The following MPV17 variants were observed in gnomAD, a reference collection of about 807,000 sequenced individuals.
The protein encoded by MPV17 is mitochondrial inner membrane protein MPV17.
MPV17 carries 31 observed loss-of-function variants against 28.6 expected under a neutral mutation model. The observed-to-expected ratio is 1.08, with a 90% CI of 0.81 to 1.46. The LOEUF (loss-of-function observed/expected upper bound fraction) is 1.46, where lower values mean the gene tolerates loss of function less well. MPV17 is among the 40% of genes most tolerant of loss of function. The pLI, the probability that MPV17 is intolerant of heterozygous loss-of-function variation, is 0.00. For synonymous variants in MPV17, 87 were observed against 85.3 expected (o/e 1.02, Z -0.11); for missense variants, 198 against 216.2 (o/e 0.92, Z 0.53).
chr2:27,313,856 C>T (rs911626427), intron 2 of MPV17, among the ~76,000 whole-genome samples: 5 of 152,146 alleles, frequency 3.3e-5, no homozygotes, highest in Non-Finnish European at 7.4e-5. Context: ...GGACTACAGG[C>T]ACCCACCACC....
At chr2:27,312,039 A>T in intron 6 of MPV17, 88 bp from the exon 7 acceptor site, 1 of 1,530,736 alleles carries the variant, frequency 6.5e-7, no homozygotes, top group South Asian at 1.1e-5. Context: ...CAACTTCTGC[A>T]CACAAGAAAA....
chr2:27,309,751 A>T lies in MPV17; in HGVS notation c.*161T>A, dbSNP rs1399350551. ...AAGGGCTCTAAAGCAGTCAGTGTAC[A>T]TTTTAGAGTGAAGAGGGGCATTGCA... On this transcript the variant is annotated 3_prime_UTR_variant, in exon 8 of 8. Transcript: ENST00000380044. 1 of 700,670 alleles carries T rather than the reference A, an allele frequency of 1.4e-6. No homozygotes were observed. The highest frequency in any genetic ancestry group is 1.8e-5 in the African/African-American group (1 of 56,998). The allele number at this position is 700,670 out of a possible 1,614,324, so 43.4% of individuals were successfully genotyped here. A position where few individuals can be genotyped will look rare whatever the true frequency, so the allele number is the denominator to read the frequency against.
intron 2 of MPV17, chr2:27,316,797 G>A (rs959951730): frequency 4.2e-5 from 16 of 382,238 alleles, no homozygotes; most frequent in African/African-American, 3.1e-4. Context: ...ATGGGGCAGG[G>A]CTAGGGGCTG....
chr2:27,317,980 C>G lies in MPV17; in HGVS notation c.70+4468G>C, dbSNP rs1416622883. 6.6e-6 allele frequency among the ~76,000 whole-genome samples: 1 copy of G among 152,184 alleles called. No homozygotes were observed. The highest frequency in any genetic ancestry group is 1.9e-4 in the East Asian group (1 of 5,204). On this transcript the variant is annotated intron_variant, in intron 2 of 7. Transcript: ENST00000380044. This position sits in a 1 kb window ranked among gnomAD's most constrained non-coding sequence, Gnocchi z 4.0. The stretch of plus-strand genomic sequence containing the variant: ...TTCTTGCTTCAGGCCTGTGCCACAC[C>G]TGGGCCTTTGCTATTGATGGCTGCA...
chr2:27,315,331 T>C (rs1371097614), intron 2 of MPV17, among the ~76,000 whole-genome samples: 1 of 152,182 alleles, frequency 6.6e-6, no homozygotes, highest in Non-Finnish European at 1.5e-5. Context: ...CCCGGTTCCC[T>C]ATCCCTCCAG....
chr2:27,309,830 A>G lies in MPV17; in HGVS notation c.*82T>C. 1 of 1,169,052 alleles carries G rather than the reference A, an allele frequency of 8.6e-7. No homozygotes were observed. The highest frequency in any genetic ancestry group is 1.3e-6 in the Non-Finnish European group (1 of 780,482). The allele number at this position is 1,169,052 out of a possible 1,614,324, so 72.4% of individuals were successfully genotyped here. A position where few individuals can be genotyped will look rare whatever the true frequency, so the allele number is the denominator to read the frequency against. On this transcript the variant is annotated 3_prime_UTR_variant, in exon 8 of 8. Transcript: ENST00000380044. ...GCAACCCAACCCCGTGGAAACTGGT[A>G]TGCCCACTTTGAGGAGGTTGTCTGA...
intron 1 of MPV17, among the ~76,000 whole-genome samples, chr2:27,322,814 A>T (rs1232525889): frequency 6.6e-6 from 1 of 152,194 alleles, no homozygotes; most frequent in Admixed American, 6.5e-5. Flanking sequence ...TTCCCGACGG[A>T]GACACTCATG....
intron 7 of MPV17, chr2:27,311,533 G>A (rs1679438585): frequency 6.8e-7 from 1 of 1,478,580 alleles, no homozygotes; most frequent in Non-Finnish European, 9.2e-7. Context: ...TATTGTGAGT[G>A]TCTGACCAGG....
intron 3 of MPV17, 45 bp downstream of exon 3, chr2:27,312,949 G>A (rs1053974847): frequency 6.2e-6 from 10 of 1,604,050 alleles, no homozygotes; most frequent in Middle Eastern, 1.6e-4. Flanking sequence ...AAAGAACTAA[G>A]ACCACTGTTG....
chr2:27,311,650 G>A, intron 7 of MPV17: 1 of 1,550,712 alleles, frequency 6.4e-7, no homozygotes, highest in East Asian at 2.4e-5. Context: ...GTGGGATGGA[G>A]ACAAGGGTGG....
At position 27,313,004 on chromosome 2, in the gene MPV17, C is replaced by T; in HGVS notation, c.176G>A (p.Cys59Tyr). ...GAGGGGAGAACTTACCACAAAGCCA[C>T]AGCCCAGGGACACCATGGTCAGAGT... ...GRTLTMVSLGCGFVGPVVGGW... is the reference protein window; with the variant it reads ...GRTLTMVSLGYGFVGPVVGGW... The change falls in exon 3 of 8, where the codon TGT becomes TAT. Residue 59 changes from cysteine (C) to tyrosine (Y), a missense_variant. Transcript: ENST00000380044. 6.2e-7 allele frequency: 1 copy of T among 1,614,230 alleles called. No homozygotes were observed. The highest frequency in any genetic ancestry group is 1.1e-5 in the South Asian group (1 of 91,086).
chr2:27,312,124 G>T (rs1679466289), intron 6 of MPV17, 90 bp downstream of exon 6: 1 of 1,495,590 alleles, frequency 6.7e-7, no homozygotes, highest in Non-Finnish European at 9.3e-7. Flanking sequence ...CCAACGGAAG[G>T]GTTTCCCATG....
intron 2 of MPV17, among the ~76,000 whole-genome samples, chr2:27,321,474 T>C (rs1381267467): frequency 1.3e-5 from 2 of 152,142 alleles, no homozygotes; most frequent in African/African-American, 2.4e-5. Flanking sequence ...TAGCCCCCAA[T>C]CCCTTCCAAT....
rs1333814153 is a variant in MPV17, at chr2:27,317,770, A to T, written c.71-4661T>A. On this transcript the variant is annotated intron_variant, in intron 2 of 7. Coordinates refer to ENST00000380044, the MANE Select transcript of MPV17 (RefSeq NM_002437.5). The surrounding 1 kb of genome is among the most constrained non-coding windows in gnomAD (Gnocchi z 4.0). The stretch of plus-strand genomic sequence containing the variant: ...CCCACTGGAGAGTGGAAGGGCCCTC[A>T]AAGAAGGAAGGGATAAGGCTGACTC... Among the ~76,000 whole-genome samples the T allele has an allele frequency of 6.6e-6, 1 of 152,236 alleles. No individual in the cohort carries two copies. The highest frequency in any genetic ancestry group is 6.5e-5 in the Admixed American group (1 of 15,276).
intron 2 of MPV17, chr2:27,316,105 G>T (rs1473524205): frequency 6.4e-7 from 1 of 1,550,816 alleles, no homozygotes; most frequent in East Asian, 2.4e-5. Context: ...CTAGACTAAT[G>T]CACTTCCTCT....
intron 7 of MPV17, chr2:27,311,445 C>G: frequency 1.3e-6 from 1 of 782,648 alleles, no homozygotes; most frequent in Non-Finnish European, 2.0e-6. Flanking sequence ...CCTGTTCCCA[C>G]GATCCTTCAC....
chr2:27,312,903 T>A, intron 3 of MPV17, 91 bp downstream of exon 3: 3 of 1,551,690 alleles, frequency 1.9e-6, no homozygotes, highest in Non-Finnish European at 2.7e-6. Flanking sequence ...GCAGGTTGGC[T>A]TAGGTGTGAG....
At chr2:27,315,015 C>A (rs889093838) in intron 2 of MPV17, among the ~76,000 whole-genome samples, 2 of 152,216 alleles carry the variant, frequency 1.3e-5, no homozygotes, top group African/African-American at 4.8e-5. Flanking sequence ...TGGGCACCCC[C>A]AGTCCTGCCT....
intron 7 of MPV17, chr2:27,311,426 A>T: frequency 1.4e-6 from 1 of 694,792 alleles, no homozygotes; most frequent in Non-Finnish European, 2.4e-6. Flanking sequence ...GAAGCGTTCC[A>T]TATTTTCCCC....
Sources: allele counts gnomAD v4.1 joint callset (sites outside exome capture counted in the v4.1 genomes callset), GRCh38; gene constraint gnomAD v4.1.1; non-coding constraint Gnocchi (gnomAD v3.1); transcripts MANE v1.5; gene names NCBI Gene and HGNC (gene_info 2026-07-23, HGNC 2026-07-21).